Variants in TRAT1 observed in about 807,000 individuals in gnomAD.
TRAT1 encodes T-cell receptor-associated transmembrane adapter 1.
A neutral mutation model predicts 20.0 loss-of-function variants in TRAT1; 20 were observed. That is an observed-to-expected ratio of 1.00 (90% CI 0.70 to 1.45). The LOEUF (loss-of-function observed/expected upper bound fraction) is 1.45, where lower values mean the gene tolerates loss of function less well. TRAT1 is among the 40% of genes most tolerant of loss of function. The probability of loss-of-function intolerance (pLI) is 0.00; values close to 1 mark genes in which losing one functional copy is unlikely to be tolerated. For missense variants in TRAT1, 237 were observed against 224.1 expected (o/e 1.06, Z -0.37); for synonymous variants, 77 against 74.2 (o/e 1.04, Z -0.20).
Position 108,822,886 on chromosome 3 carries a change from T to A in TRAT1, c.-42T>A, listed in dbSNP as rs768086007. 1.9e-6 allele frequency: 3 copies of A among 1,590,218 alleles called. No individual in the cohort carries two copies. The highest frequency in any genetic ancestry group is 2.6e-6 in the Non-Finnish European group (3 of 1,160,214). On this transcript the variant is annotated 5_prime_UTR_variant, in exon 1 of 6. In the 5' UTR this introduces an upstream ATG that the reference lacks. Transcript: ENST00000295756. Reference sequence around the variant, plus strand: ...GTAGGAGGATTTTTAATCCATATATTTGTCTTATGGCTAGATAAAGATTTC... The same window carrying A: ...GTAGGAGGATTTTTAATCCATATATATGTCTTATGGCTAGATAAAGATTTC...
At chr3:108,839,109 C>A in intron 3 of TRAT1, 142 bp downstream of exon 3, 1 of 654,908 alleles carries the variant, frequency 1.5e-6, no homozygotes, top group Non-Finnish European at 2.7e-6. Context: ...CTTTTACTCT[C>A]ATCTAAAGAT....
In TRAT1 at chr3:108,854,471, C is replaced by A. The variant is rs1946027296; in HGVS notation, c.*594C>A. On this transcript the variant is annotated 3_prime_UTR_variant, in exon 6 of 6. Transcript: ENST00000295756. ...TCAAATTAATGCATGCTCCTTACAA[C>A]AAACAAATATCAAAAAGAGTTTAGG... The A allele has an allele frequency of 2.6e-5, 4 of 152,130 alleles. No homozygotes were observed. The highest frequency in any genetic ancestry group is 7.2e-5 in the African/African-American group (3 of 41,440). 9.4% of individuals were successfully genotyped at this position (152,130 alleles called of 1,614,324 possible). A position where few individuals can be genotyped will look rare whatever the true frequency, so the allele number is the denominator to read the frequency against.
chr3:108,836,374 A>G (rs1477133658), intron 2 of TRAT1, among the ~76,000 whole-genome samples: 10 of 152,132 alleles, frequency 6.6e-5, no homozygotes, highest in Non-Finnish European at 5.9e-5. Flanking sequence ...ATTCTTATTA[A>G]GCAATGACAC....
intron 2 of TRAT1, among the ~76,000 whole-genome samples, chr3:108,833,883 C>T (rs550931656): frequency 2.0e-5 from 3 of 152,114 alleles, no homozygotes; most frequent in Middle Eastern, 3.4e-3. Flanking sequence ...TCTGGTGCAG[C>T]CCATCACCAT....
intron 3 of TRAT1, among the ~76,000 whole-genome samples, chr3:108,844,536 A>T (rs1945922548): frequency 6.8e-6 from 1 of 147,554 alleles, no homozygotes; most frequent in South Asian, 2.1e-4. Context: ...AAATGTAAAA[A>T]ATAGGAACTA....
At chr3:108,836,088 T>A in intron 2 of TRAT1, among the ~76,000 whole-genome samples, 1 of 152,026 alleles carries the variant, frequency 6.6e-6, no homozygotes, top group South Asian at 2.1e-4. Flanking sequence ...CCCAGCTAAT[T>A]TTTTGTATTT....
chr3:108,829,778 T>A (rs1228169093), intron 1 of TRAT1, among the ~76,000 whole-genome samples: 3 of 152,196 alleles, frequency 2.0e-5, no homozygotes, highest in Non-Finnish European at 4.4e-5. Flanking sequence ...ACAAACCTAC[T>A]GTGCTGCCCA....
chr3:108,831,442 C>T (rs925023339), intron 2 of TRAT1, among the ~76,000 whole-genome samples: 1 of 151,924 alleles, frequency 6.6e-6, no homozygotes, highest in Non-Finnish European at 1.5e-5. Flanking sequence ...GCATCCAATT[C>T]ATGTTGAATA....
At chr3:108,841,026 A>C (rs1184655044) in intron 3 of TRAT1, among the ~76,000 whole-genome samples, 1 of 152,250 alleles carries the variant, frequency 6.6e-6, no homozygotes, top group Non-Finnish European at 1.5e-5. Flanking sequence ...TCTGTGAGAG[A>C]CTAGAATAAA....
At chr3:108,839,833 T>C (rs920848642) in intron 3 of TRAT1, among the ~76,000 whole-genome samples, 2 of 152,148 alleles carry the variant, frequency 1.3e-5, no homozygotes, top group Non-Finnish European at 2.9e-5. Context: ...GAAATTTGTA[T>C]AGTAGTATAC....
chr3:108,851,195 C>T (rs1945995215), intron 5 of TRAT1, among the ~76,000 whole-genome samples: 1 of 152,178 alleles, frequency 6.6e-6, no homozygotes, highest in Non-Finnish European at 1.5e-5. Flanking sequence ...GGATATTATG[C>T]ATAAAGCTTG....
intron 3 of TRAT1, 143 bp downstream of exon 3, chr3:108,839,110 A>C (rs1485138157): frequency 9.2e-6 from 6 of 650,238 alleles, no homozygotes; most frequent in Non-Finnish European, 1.6e-5. Context: ...TTTTACTCTC[A>C]TCTAAAGATC....
At chr3:108,850,213 C>T (rs1004391581) in intron 5 of TRAT1, among the ~76,000 whole-genome samples, 1 of 152,132 alleles carries the variant, frequency 6.6e-6, no homozygotes, top group African/African-American at 2.4e-5. Context: ...ACATTCTCTT[C>T]CCTAAAATGG....
Position 108,849,218 on chromosome 3 carries a change from T to C in TRAT1, c.267T>C (p.Ser89=). 1 of 1,614,156 alleles carries C rather than the reference T, an allele frequency of 6.2e-7. No individual in the cohort carries two copies. The highest frequency in any genetic ancestry group is 8.5e-7 in the Non-Finnish European group (1 of 1,180,008). ...AAATGAAAGCCCGACCAGAGAAATC[T>C]GTAAATAAGATGCAGGAAGCCACCC... ...YEQMKARPEK[S]VNKMQEATPS... The change falls in exon 5 of 6, where the codon TCT becomes TCC. Residue 89 remains serine, a synonymous_variant. Transcript: ENST00000295756.
At chr3:108,823,076 T>G in intron 1 of TRAT1, 142 bp downstream of exon 1, 1 of 661,110 alleles carries the variant, frequency 1.5e-6, no homozygotes, top group Non-Finnish European at 2.5e-6. Flanking sequence ...TTAAAATATA[T>G]TTTGAAACAT....
intron 3 of TRAT1, among the ~76,000 whole-genome samples, chr3:108,844,306 G>C (rs1945920136): frequency 6.6e-6 from 1 of 151,498 alleles, no homozygotes; most frequent in South Asian, 2.1e-4. Flanking sequence ...AAGGTGATCA[G>C]GTAGAAGTAG....
intron 3 of TRAT1, among the ~76,000 whole-genome samples, chr3:108,842,807 G>A (rs1945906638): frequency 6.6e-6 from 1 of 152,184 alleles, no homozygotes; most frequent in African/African-American, 2.4e-5. Context: ...CTGGCAATGT[G>A]AGCTCATTGT....
intron 3 of TRAT1, among the ~76,000 whole-genome samples, chr3:108,840,677 A>T (rs572201032): frequency 6.6e-6 from 1 of 152,336 alleles, no homozygotes; most frequent in Non-Finnish European, 1.5e-5. Flanking sequence ...AAAGATCATT[A>T]CTATGCCAAC....
At chr3:108,841,664 T>C (rs1945897971) in intron 3 of TRAT1, among the ~76,000 whole-genome samples, 1 of 152,190 alleles carries the variant, frequency 6.6e-6, no homozygotes, top group South Asian at 2.1e-4. Context: ...GCTTCTCTCA[T>C]CTTATTTCTC....
Sources: allele counts gnomAD v4.1 joint callset (sites outside exome capture counted in the v4.1 genomes callset), GRCh38; gene constraint gnomAD v4.1.1; transcripts MANE v1.5; gene names NCBI Gene and HGNC (gene_info 2026-07-23, HGNC 2026-07-21).